PCDHA4: variants seen among roughly 807,000 people sequenced by gnomAD.
The protein encoded by PCDHA4 is protocadherin alpha-4.
In PCDHA4, 49 loss-of-function variants were observed where a neutral mutation model predicts 61.4. The ratio of observed to expected loss-of-function variants is 0.80; its 90% confidence interval spans 0.63 to 1.01. The LOEUF is 1.01. PCDHA4 is among the 50% of genes least tolerant of loss of function. The probability of loss-of-function intolerance (pLI) is 0.00; values close to 1 mark genes in which losing one functional copy is unlikely to be tolerated. For synonymous variants in PCDHA4, 590 were observed against 550.3 expected (o/e 1.07, Z -1.01); for missense variants, 1,254 against 1,235.8 (o/e 1.01, Z -0.22).
At chr5:140,968,757 A>T in intron 1 of PCDHA4, 1 of 1,614,204 alleles carries the variant, frequency 6.2e-7, no homozygotes, top group Non-Finnish European at 8.5e-7. Context: ...GTGGTCCGAG[A>T]TAATGGAGAG....
chr5:140,915,234 A>G (rs1373292519), intron 1 of PCDHA4, among the ~76,000 whole-genome samples: 1 of 152,144 alleles, frequency 6.6e-6, no homozygotes, highest in Non-Finnish European at 1.5e-5. Flanking sequence ...GGCATGAGCC[A>G]CCATGCCTGG....
In PCDHA4 at chr5:140,887,671, A is replaced by G. The variant is rs1417615702; in HGVS notation, c.2385+78099A>G. Among the ~76,000 whole-genome samples, 4 of 152,008 alleles carry G rather than the reference A, an allele frequency of 2.6e-5. No homozygotes were observed. In the East Asian group the frequency reaches 7.7e-4, roughly 29 times the overall value. The stretch of plus-strand genomic sequence containing the variant: ...ATATTCTTGGATCTGTGGATTTATC[A>G]TTTTCATCAAATTCAGGAAAAAATC... On this transcript the variant is annotated intron_variant, in intron 1 of 3. Transcript: ENST00000530339.
chr5:140,863,936 G>A (rs1554158535), intron 1 of PCDHA4: 2 of 160,752 alleles, frequency 1.2e-5, no homozygotes, highest in African/African-American at 4.8e-5. Context: ...AGGAGGCAGA[G>A]GTTGCGGTGA....
At position 140,843,365 on chromosome 5, in the gene PCDHA4, C is replaced by G. The variant is rs2150358343; in HGVS notation, c.2385+33793C>G. ...CCAGGCTCCAAAAGCGTCATCGAGGCAGTCGGCTGGCGTTTTGGGTCCGGA... is the reference window on the plus strand; with the variant it reads ...CCAGGCTCCAAAAGCGTCATCGAGGGAGTCGGCTGGCGTTTTGGGTCCGGA... On this transcript the variant is annotated intron_variant, in intron 1 of 3. Transcript: ENST00000530339. 3 of 1,595,994 alleles carry G rather than the reference C, an allele frequency of 1.9e-6. No individual in the cohort carries two copies. The highest frequency in any genetic ancestry group is 2.6e-6 in the Non-Finnish European group (3 of 1,165,606).
chr5:140,823,778 T>A lies in PCDHA4; in HGVS notation c.2385+14206T>A, dbSNP rs2150129086. 3.1e-6 allele frequency: 5 copies of A among 1,613,772 alleles called. No individual in the cohort carries two copies. The Admixed American group carries it at 8.3e-5, about 27-fold the overall frequency. On this transcript the variant is annotated intron_variant, in intron 1 of 3. Coordinates refer to ENST00000530339, the MANE Select transcript of PCDHA4 (RefSeq NM_018907.4). ...GCCACAGCCACAGTGCTGGTGTCGC[T>A]GGTGGAAAGTGGCCAGGCGCCGAAG...
At chr5:140,864,765 T>C (rs1345308303) in intron 1 of PCDHA4, 1 of 152,222 alleles carries the variant, frequency 6.6e-6, no homozygotes, top group Non-Finnish European at 1.5e-5. Context: ...TTTCTTTCAT[T>C]TTTGGTACCT....
chr5:140,890,045 T>C (rs1192229071), intron 1 of PCDHA4, among the ~76,000 whole-genome samples: 1 of 152,206 alleles, frequency 6.6e-6, no homozygotes, highest in African/African-American at 2.4e-5. Context: ...TGTAGTGTGT[T>C]GGAGCTGGCT....
chr5:140,875,961 C>G, intron 1 of PCDHA4: 1 of 1,614,004 alleles, frequency 6.2e-7, no homozygotes, highest in Non-Finnish European at 8.5e-7. Flanking sequence ...CGGATATCGG[C>G]GTAAACTCTC....
At chr5:140,837,357 C>A (rs2150274946) in intron 1 of PCDHA4, among the ~76,000 whole-genome samples, 2 of 151,850 alleles carry the variant, frequency 1.3e-5, no homozygotes, top group Non-Finnish European at 2.9e-5. Context: ...GTTTAAATGG[C>A]AGTTTAATAG....
In PCDHA4 at chr5:140,817,799, C is replaced by A. The variant is rs569935488; in HGVS notation, c.2385+8227C>A. Among the ~76,000 whole-genome samples the A allele has an allele frequency of 2.0e-5, 3 of 152,040 alleles. No homozygotes were observed. The South Asian group carries it at 6.2e-4, about 32-fold the overall frequency. ...TAGTGTGGCCTGCTGGTAAAGAAAC[C>A]TTTACGTTTTTATATATCTGGAAAT... On this transcript the variant is annotated intron_variant, in intron 1 of 3. Transcript: ENST00000530339.
At chr5:140,998,853 T>G (rs575455675) in intron 3 of PCDHA4, among the ~76,000 whole-genome samples, 1 of 152,346 alleles carries the variant, frequency 6.6e-6, no homozygotes, top group South Asian at 2.1e-4. Flanking sequence ...GTGAGCCACA[T>G]GCCTGGCCTT....
chr5:140,881,443 G>T (rs1554172114), intron 1 of PCDHA4: 1 of 818,602 alleles, frequency 1.2e-6, no homozygotes, highest in Non-Finnish European at 1.5e-6. Flanking sequence ...TATAAAAACA[G>T]AATCCAAAAC....
In PCDHA4 at chr5:140,897,967, T is replaced by G. The variant is rs1277557012; in HGVS notation, c.2386-80982T>G. On this transcript the variant is annotated intron_variant, in intron 1 of 3. Transcript: ENST00000530339. Reference sequence around the variant, plus strand: ...ATGATTAGCATTTTTTCATGTGTCTTTTGGCTGCATAAATGTCTTCTTTTG... The same window carrying G: ...ATGATTAGCATTTTTTCATGTGTCTGTTGGCTGCATAAATGTCTTCTTTTG... Among the ~76,000 whole-genome samples, 3 of 152,364 alleles carry G rather than the reference T, an allele frequency of 2.0e-5. No homozygotes were observed. In the East Asian group the frequency reaches 5.8e-4, roughly 29 times the overall value.
chr5:141,002,173 C>T (rs1442739241), intron 3 of PCDHA4, among the ~76,000 whole-genome samples: 2 of 152,192 alleles, frequency 1.3e-5, no homozygotes, highest in Non-Finnish European at 2.9e-5. Flanking sequence ...TAGGCAGGCT[C>T]CAGAGTGCTG....
rs2150168385 is a variant in PCDHA4 at position 140,829,460 on chromosome 5, C to T, written c.2385+19888C>T. On this transcript the variant is annotated intron_variant, in intron 1 of 3. Transcript: ENST00000530339. ...GAATGACAATGCTCCGGCGTTCGCG[C>T]AGCCCGAGTACACAGTGTTCGTGAA... 20 of 1,613,778 alleles carry T rather than the reference C, an allele frequency of 1.2e-5. No homozygotes were observed. The African/African-American group carries it at 2.5e-4, about 20-fold the overall frequency.
At chr5:140,854,785 T>G (rs998570267) in intron 1 of PCDHA4, 1 of 149,740 alleles carries the variant, frequency 6.7e-6, no homozygotes, top group South Asian at 2.1e-4. Flanking sequence ...TTTCAAGAAC[T>G]TTGAGAGAGA....
Position 140,843,361 on chromosome 5 carries a change from G to A in PCDHA4, c.2385+33789G>A, listed in dbSNP as rs2150358294. On this transcript the variant is annotated intron_variant, in intron 1 of 3. Transcript: ENST00000530339. ...GCGGCCAGGCTCCAAAAGCGTCATC[G>A]AGGCAGTCGGCTGGCGTTTTGGGTC... 3.8e-6 allele frequency: 6 copies of A among 1,596,046 alleles called. No individual in the cohort carries two copies. In the South Asian group the frequency reaches 5.5e-5, roughly 15 times the overall value.
intron 1 of PCDHA4, among the ~76,000 whole-genome samples, chr5:140,917,584 A>T (rs2153544569): frequency 6.6e-6 from 1 of 152,336 alleles, no homozygotes; most frequent in South Asian, 2.1e-4. Context: ...ATTTTTGTTC[A>T]TGCTGAAAGG....
Position 140,882,583 on chromosome 5 carries a change from C to T in PCDHA4, c.2385+73011C>T, listed in dbSNP as rs143956549. ...GGCGGAGCGCGGAGTGCAGCATCCA[C>T]CTGGAGGTGATCGTGGACAGGCCTC... On this transcript the variant is annotated intron_variant, in intron 1 of 3. Coordinates refer to ENST00000530339, the MANE Select transcript of PCDHA4 (RefSeq NM_018907.4). 2.3e-3 allele frequency: 3,635 copies of T among 1,614,232 alleles called. 15 individuals are homozygous for T. Among genetic ancestry groups the T allele is most frequent in the Middle Eastern group, 9.6e-3 (58 of 6,060 alleles).
Sources: gnomAD v4.1 joint callset for allele counts (sites outside exome capture counted in the v4.1 genomes callset) on GRCh38, gnomAD v4.1.1 for gene constraint, MANE v1.5 for transcripts, NCBI Gene and HGNC (gene_info 2026-07-23, HGNC 2026-07-21) for gene names.